The following ZFAND3 variants were observed in gnomAD, a reference collection of about 807,000 sequenced individuals.
ZFAND3 encodes zinc finger AN1-type containing 3.
A neutral mutation model predicts 29.6 loss-of-function variants in ZFAND3; 10 were observed. The ratio of observed to expected loss-of-function variants is 0.34; its 90% confidence interval spans 0.21 to 0.57. The LOEUF (loss-of-function observed/expected upper bound fraction) is 0.57. Among genes scored for constraint, ZFAND3 ranks in the 20% least tolerant of loss-of-function variants. ZFAND3 has a pLI of 0.86. For missense variants in ZFAND3, 230 were observed against 304.5 expected (o/e 0.76, Z 1.82); for synonymous variants, 128 against 112.6 (o/e 1.14, Z -0.87).
At chr6:37,956,416 A>G (rs1370747774) in intron 2 of ZFAND3, among the ~76,000 whole-genome samples, 1 of 152,230 alleles carries the variant, frequency 6.6e-6, no homozygotes, top group African/African-American at 2.4e-5. Flanking sequence ...AGGAATGCTC[A>G]GATCCTTGGA....
intron 2 of ZFAND3, among the ~76,000 whole-genome samples, chr6:37,953,649 A>G (rs551677888): frequency 2.6e-4 from 40 of 152,010 alleles, no homozygotes; most frequent in Non-Finnish European, 3.8e-4. Flanking sequence ...ACAGGGTCTC[A>G]GTATATTTCC....
intron 1 of ZFAND3, among the ~76,000 whole-genome samples, chr6:37,872,358 A>G (rs1312689345): frequency 6.6e-6 from 1 of 152,180 alleles, no homozygotes. Context: ...CGTATGGAAC[A>G]GTGGGGCCAG....
intron 2 of ZFAND3, among the ~76,000 whole-genome samples, chr6:37,935,408 GTAAA>G (rs1423470283): frequency 1.3e-5 from 2 of 151,960 alleles, no homozygotes; most frequent in African/African-American, 2.4e-5. Flanking sequence ...ACTTAAATAA[GTAAA>G]TGAATATAAA....
chr6:38,039,847 A>G (rs1250693830), intron 2 of ZFAND3, among the ~76,000 whole-genome samples: 1 of 152,168 alleles, frequency 6.6e-6, no homozygotes, highest in Non-Finnish European at 1.5e-5. Flanking sequence ...AATGAATTCT[A>G]AATGGTGGAC....
At chr6:38,028,193 C>G (rs1254572666) in intron 2 of ZFAND3, among the ~76,000 whole-genome samples, 3 of 152,044 alleles carry the variant, frequency 2.0e-5, no homozygotes, top group Non-Finnish European at 2.9e-5. Context: ...TAGTTTGTGC[C>G]TCATATTGAA....
chr6:37,894,139 C>T (rs1765154602), intron 1 of ZFAND3, among the ~76,000 whole-genome samples: 2 of 151,952 alleles, frequency 1.3e-5, no homozygotes, highest in Admixed American at 1.3e-4. Context: ...CCTGTAGTTC[C>T]AGCTACTCAG....
chr6:38,049,711 C>G (rs1010875198), intron 2 of ZFAND3, among the ~76,000 whole-genome samples: 2 of 152,110 alleles, frequency 1.3e-5, no homozygotes, highest in African/African-American at 4.8e-5. Flanking sequence ...TTGGGAAGAT[C>G]ATTGTCATCT....
intron 5 of ZFAND3, among the ~76,000 whole-genome samples, chr6:38,137,317 G>A (rs116175433): frequency 0.014 from 2,128 of 152,338 alleles, 38 homozygotes; most frequent in Non-Finnish European, 0.021. Flanking sequence ...GTGCACTTGT[G>A]TTCACCCAGG....
At chr6:37,979,430 C>T (rs1355818965) in intron 2 of ZFAND3, among the ~76,000 whole-genome samples, 1 of 152,100 alleles carries the variant, frequency 6.6e-6, no homozygotes, top group African/African-American at 2.4e-5. Flanking sequence ...GAGCTTTGTT[C>T]GAAGATGCAG....
chr6:37,918,317 C>T (rs1465745226), intron 1 of ZFAND3, among the ~76,000 whole-genome samples: 1 of 152,092 alleles, frequency 6.6e-6, no homozygotes, highest in Non-Finnish European at 1.5e-5. Flanking sequence ...CCTTGTGATC[C>T]ACCTGCCTCA....
At chr6:38,095,429 T>C (rs1247998923) in intron 4 of ZFAND3, among the ~76,000 whole-genome samples, 4 of 152,048 alleles carry the variant, frequency 2.6e-5, no homozygotes, top group African/African-American at 9.7e-5. Context: ...TATAATTGCC[T>C]TTCTTTTTTT....
chr6:37,935,951 C>G (rs1581775526), intron 2 of ZFAND3, among the ~76,000 whole-genome samples: 1 of 152,226 alleles, frequency 6.6e-6, no homozygotes, highest in African/African-American at 2.4e-5. Flanking sequence ...ATATTCCTGC[C>G]TCTTACAAAG....
chr6:37,851,825 G>A (rs1764286826), intron 1 of ZFAND3, among the ~76,000 whole-genome samples: 1 of 152,188 alleles, frequency 6.6e-6, no homozygotes, highest in Non-Finnish European at 1.5e-5. Context: ...ACAGAAATTT[G>A]ACCAGCTATT....
intron 1 of ZFAND3, among the ~76,000 whole-genome samples, chr6:37,895,983 A>G (rs1405274271): frequency 2.0e-5 from 3 of 152,210 alleles, no homozygotes; most frequent in Non-Finnish European, 4.4e-5. Context: ...GCACTATTCT[A>G]GGCCCTGTGT....
At chr6:37,953,695 T>A (rs1274896841) in intron 2 of ZFAND3, among the ~76,000 whole-genome samples, 1 of 152,112 alleles carries the variant, frequency 6.6e-6, no homozygotes, top group Non-Finnish European at 1.5e-5. Context: ...CAACTTGTCC[T>A]CCTTCCTTGA....
chr6:37,938,576 C>A lies in ZFAND3; in HGVS notation c.112+8577C>A, dbSNP rs77438737. Among the ~76,000 whole-genome samples the A allele has an allele frequency of 0.017, 2,580 of 152,170 alleles. 252 individuals are homozygous for A. In the East Asian group the frequency reaches 0.28, roughly 16 times the overall value. ...GGAAACTCTGTTCTTTATGGTGTAG[C>A]CTCCCTTACTCTGAAATGCAAGCAA... On this transcript the variant is annotated intron_variant, in intron 2 of 5. Transcript: ENST00000287218.
At chr6:37,872,357 C>G (rs1435500453) in intron 1 of ZFAND3, among the ~76,000 whole-genome samples, 1 of 152,170 alleles carries the variant, frequency 6.6e-6, no homozygotes, top group Non-Finnish European at 1.5e-5. Flanking sequence ...ACGTATGGAA[C>G]AGTGGGGCCA....
intron 1 of ZFAND3, among the ~76,000 whole-genome samples, chr6:37,858,586 C>A (rs1159791835): frequency 2.0e-5 from 3 of 152,246 alleles, no homozygotes; most frequent in South Asian, 2.1e-4. Context: ...AAGACTGTTT[C>A]CACCTATATG....
intron 2 of ZFAND3, among the ~76,000 whole-genome samples, chr6:37,951,898 G>C (rs189527478): frequency 1.6e-4 from 24 of 152,292 alleles, no homozygotes; most frequent in Admixed American, 1.3e-3. Flanking sequence ...TTTTTAACAC[G>C]AAGCGATGTT....
Sources: gnomAD v4.1 joint callset for allele counts (sites outside exome capture counted in the v4.1 genomes callset) on GRCh38, gnomAD v4.1.1 for gene constraint, MANE v1.5 for transcripts, NCBI Gene and HGNC (gene_info 2026-07-23, HGNC 2026-07-21) for gene names.